RREB1: variants seen among roughly 807,000 people sequenced by gnomAD.
RREB1 encodes the protein ras-responsive element-binding protein 1.
A neutral mutation model predicts 117.8 loss-of-function variants in RREB1; 27 were observed. The ratio of observed to expected loss-of-function variants is 0.23; its 90% confidence interval spans 0.17 to 0.32. The LOEUF (loss-of-function observed/expected upper bound fraction) is 0.32, where lower values mean the gene tolerates loss of function less well. RREB1 is among the 10% of genes least tolerant of loss of function. The pLI, the probability that RREB1 is intolerant of heterozygous loss-of-function variation, is 1.00. For missense variants in RREB1, 2,577 were observed against 2,378.2 expected (o/e 1.08, Z -1.74); for synonymous variants, 1,298 against 1,026.7 (o/e 1.26, Z -5.05).
At chr6:7,219,438 T>A (rs988220464) in intron 8 of RREB1, among the ~76,000 whole-genome samples, 1 of 152,166 alleles carries the variant, frequency 6.6e-6, no homozygotes, top group South Asian at 2.1e-4. Context: ...TTGGAGCTGG[T>A]TGGTCCCACC....
At chr6:7,212,893 C>T (rs1766695826) in intron 8 of RREB1, 1 of 152,124 alleles carries the variant, frequency 6.6e-6, no homozygotes, top group African/African-American at 2.4e-5. Flanking sequence ...TGACATTTTT[C>T]CATTGGTGAG....
chr6:7,229,998 G>C lies in RREB1; in HGVS notation c.1899G>C (p.Lys633Asn). The C allele has an allele frequency of 2.5e-6, 4 of 1,607,814 alleles. No homozygotes were observed. The highest frequency in any genetic ancestry group is 2.6e-6 in the Non-Finnish European group (3 of 1,175,712). ...LKAFMTAPGG[K>N]KTPAMRKVLY... ...CCTTCATGACAGCGCCCGGCGGCAA[G>C]AAGACGCCCGCCATGCGCAAGGTGC... Residue 633 changes from lysine to asparagine, a missense_variant, in exon 10 of 13, where the codon AAG becomes AAC. By Grantham distance (94) the Lys-to-Asn change is moderately conservative (BLOSUM62 0). Transcript: ENST00000379938. This position sits in a 1 kb window ranked among gnomAD's most constrained non-coding sequence, Gnocchi z 4.5.
At chr6:7,240,363 G>C in intron 10 of RREB1, 75 bp from the exon 11 acceptor site, 1 of 1,277,786 alleles carries the variant, frequency 7.8e-7, no homozygotes, top group Non-Finnish European at 1.1e-6. Context: ...GATCCCAGGA[G>C]AATAAACAAA....
At position 7,193,296 on chromosome 6, in the gene RREB1, T is replaced by C. The variant is rs555500561; in HGVS notation, c.425+3974T>C. Among the ~76,000 whole-genome samples, 64 of 152,342 alleles carry C rather than the reference T, an allele frequency of 4.2e-4. No homozygotes were observed. In the South Asian group the frequency reaches 8.5e-3, roughly 20 times the overall value. On this transcript the variant is annotated intron_variant, in intron 6 of 12. Transcript: ENST00000379938. ...GTGTTCCATCTGTTTGAGAAGAATG[T>C]GTATTCTGCTGTTGTTGGGTGGAGT...
intron 10 of RREB1, among the ~76,000 whole-genome samples, chr6:7,234,349 G>A (rs72818920): frequency 5.5e-4 from 83 of 152,044 alleles, no homozygotes; most frequent in Non-Finnish European, 1.1e-3. Context: ...GGCTTGGCTC[G>A]CCCCCTTCCT....
In RREB1 at chr6:7,230,893, A is replaced by T; in HGVS notation, c.2794A>T (p.Met932Leu). ...TTCCCTGGTCCCCTATGACTGCTCC[A>T]TGGAGCCCATCGACCTGTCCATCCC... ...PSSLVPYDCS[M>L]EPIDLSIPKN... The change falls in exon 10 of 13, where the codon ATG becomes TTG. Residue 932 changes from methionine (M) to leucine (L), a missense_variant. Transcript: ENST00000379938. 1 of 1,614,164 alleles carries T rather than the reference A, an allele frequency of 6.2e-7. No individual in the cohort carries two copies. The highest frequency in any genetic ancestry group is 1.1e-5 in the South Asian group (1 of 91,084).
intron 1 of RREB1, among the ~76,000 whole-genome samples, chr6:7,126,311 C>G (rs936005036): frequency 6.7e-6 from 1 of 150,128 alleles, no homozygotes; most frequent in Non-Finnish European, 1.5e-5. Flanking sequence ...CGATTCCCCC[C>G]CGACCCATTC....
intron 6 of RREB1, among the ~76,000 whole-genome samples, chr6:7,196,096 G>C (rs1031040779): frequency 6.6e-6 from 1 of 151,942 alleles, no homozygotes; most frequent in African/African-American, 2.4e-5. Context: ...ACACGCACAC[G>C]TGGGATGCAC....
intron 6 of RREB1, among the ~76,000 whole-genome samples, chr6:7,190,811 G>A (rs1478042731): frequency 6.6e-6 from 1 of 152,050 alleles, no homozygotes; most frequent in East Asian, 1.9e-4. Context: ...TTACATATTT[G>A]CCCTTCTCAG....
At position 7,251,820 on chromosome 6, in the gene RREB1, A is replaced by C. The variant is rs1354851516; in HGVS notation, c.*2852A>C. On this transcript the variant is annotated 3_prime_UTR_variant, in exon 13 of 13. Transcript: ENST00000379938. ...AAACTGCTGCTACATGTTATGTACAAAACTGGTTTATGCCACATGAACAGA... is the reference window on the plus strand; with the variant it reads ...AAACTGCTGCTACATGTTATGTACACAACTGGTTTATGCCACATGAACAGA... The C allele has an allele frequency of 6.6e-6, 1 of 152,256 alleles. No individual in the cohort carries two copies. Among genetic ancestry groups the C allele is most frequent in the Non-Finnish European group, 1.5e-5 (1 of 68,050 alleles). 9.4% of individuals were successfully genotyped at this position (152,256 alleles called of 1,614,324 possible).
intron 1 of RREB1, among the ~76,000 whole-genome samples, chr6:7,128,446 G>A (rs574106625): frequency 6.6e-6 from 1 of 152,084 alleles, no homozygotes; most frequent in African/African-American, 2.4e-5. Context: ...GGGAAGCAGA[G>A]CACCATGTAT....
chr6:7,192,423 C>T (rs1408040008), intron 6 of RREB1, among the ~76,000 whole-genome samples: 1 of 151,874 alleles, frequency 6.6e-6, no homozygotes, highest in Non-Finnish European at 1.5e-5. Flanking sequence ...GAACTGCCGA[C>T]CTCAAGTAAT....
chr6:7,204,761 C>T (rs1766173932), intron 6 of RREB1, among the ~76,000 whole-genome samples: 1 of 152,150 alleles, frequency 6.6e-6, no homozygotes, highest in Non-Finnish European at 1.5e-5. Flanking sequence ...GAAATTGAGA[C>T]TGAAAAGTTA....
intron 10 of RREB1, among the ~76,000 whole-genome samples, chr6:7,233,401 A>C (rs1357105015): frequency 2.0e-5 from 3 of 152,236 alleles, no homozygotes; most frequent in Non-Finnish European, 4.4e-5. Context: ...ACTAAGCGCA[A>C]ATTAGTGAGA....
chr6:7,234,709 A>G (rs1768215756), intron 10 of RREB1, among the ~76,000 whole-genome samples: 1 of 152,232 alleles, frequency 6.6e-6, no homozygotes, highest in South Asian at 2.1e-4. Flanking sequence ...TGGTAGAGCT[A>G]GTCTTCATGA....
chr6:7,132,146 C>T (rs967251743), intron 1 of RREB1, among the ~76,000 whole-genome samples: 1 of 152,170 alleles, frequency 6.6e-6, no homozygotes, highest in Non-Finnish European at 1.5e-5. Context: ...CCTCTGCCTC[C>T]CGGGTTCAAG....
At position 7,248,689 on chromosome 6, in the gene RREB1, C is replaced by T. The variant is rs746648125; in HGVS notation, c.4950C>T (p.Asn1650=). The T allele has an allele frequency of 1.1e-5, 17 of 1,614,064 alleles. 1 individual carries two copies. In the Middle Eastern group the frequency reaches 8.2e-4, roughly 78 times the overall value. The stretch of plus-strand genomic sequence containing the variant: ...ATGAGTCCACCCACAGCGGCAACAA[C>T]GCCGTCTCAGAGAACGAGGCTGAGC... ...SENESTHSGN[N]AVSENEAELA... The change falls in exon 13 of 13, where the codon AAC becomes AAT. Residue 1650 remains asparagine (N), a synonymous_variant. Transcript: ENST00000379938.
chr6:7,247,014 C>T lies in RREB1; in HGVS notation c.4564C>T (p.Leu1522Phe), dbSNP rs770226920. Reference protein sequence around the residue: ...PGAGEAPAEKLAEETEGPSDG... With the variant: ...PGAGEAPAEKFAEETEGPSDG... ...TGCCGGGGAGGCCCCGGCGGAAAAG[C>T]TCGCGGAGGAGACGGAGGGCCCCTC... is the stretch of plus-strand genomic sequence containing the variant. The change falls in exon 12 of 13, where the codon CTC becomes TTC. Residue 1522 changes from leucine (L) to phenylalanine (F), a missense_variant. Physicochemically the swap from Leu to Phe is conservative, Grantham distance 22. Coordinates refer to ENST00000379938, the MANE Select transcript of RREB1 (RefSeq NM_001003699.4). 1.1e-5 allele frequency: 18 copies of T among 1,608,996 alleles called. No individual in the cohort carries two copies. Among genetic ancestry groups the T allele is most frequent in the Non-Finnish European group, 1.4e-5 (16 of 1,177,966 alleles).
intron 9 of RREB1, 151 bp from the exon 10 acceptor site, chr6:7,228,846 T>C: frequency 1.6e-6 from 1 of 640,416 alleles, no homozygotes; most frequent in Non-Finnish European, 2.3e-6. Flanking sequence ...GGGATCTTGC[T>C]ATATTGCCCA....
Sources: gnomAD v4.1 joint callset for allele counts (sites outside exome capture counted in the v4.1 genomes callset) on GRCh38, gnomAD v4.1.1 for gene constraint, Gnocchi (gnomAD v3.1) non-coding constraint, MANE v1.5 for transcripts, NCBI Gene and HGNC (gene_info 2026-07-23, HGNC 2026-07-21) for gene names.